Variants in OR6N1 observed in about 807,000 individuals in gnomAD.
OR6N1 encodes the protein olfactory receptor 6N1.
For synonymous variants in OR6N1, 170 were observed against 150.7 expected, an observed-to-expected ratio of 1.13 and a Z score of -0.94; for missense variants, 394 against 371.7, an observed-to-expected ratio of 1.06 and a Z score of -0.49.
chr1:158,765,651 G>A lies in OR6N1; in HGVS notation c.*93C>T, dbSNP rs960258281. 3.1e-5 allele frequency: 32 copies of A among 1,029,288 alleles called. No homozygotes were observed. The Admixed American group carries it at 5.2e-4, about 17-fold the overall frequency. 63.8% of individuals were successfully genotyped at this position (1,029,288 alleles called of 1,614,324 possible). A position where few individuals can be genotyped will look rare whatever the true frequency, so the allele number is the denominator to read the frequency against. ...CAGCTCCACCACCCCACATAGAAAA[G>A]CACTGAATTTTTAGTTTCTCGTCTC... On this transcript the variant is annotated 3_prime_UTR_variant, in exon 2 of 2. Transcript: ENST00000641846.
the OR6N1 span, among the ~76,000 whole-genome samples, chr1:158,832,897 A>G: frequency 6.1e-4 from 93 of 152,224 alleles, 1 homozygote; most frequent in Middle Eastern, 0.024. Flanking sequence ...TGCAAATTCT[A>G]TAAAGGTATA....
the OR6N1 span, chr1:158,808,383 T>A: frequency 6.5e-6 from 1 of 152,732 alleles, no homozygotes; most frequent in African/African-American, 2.4e-5. Context: ...CGCCTCGGCC[T>A]CCCAGAGTGC....
At chr1:158,794,900 T>C in the OR6N1 span, among the ~76,000 whole-genome samples, 1 of 152,212 alleles carries the variant, frequency 6.6e-6, no homozygotes, top group African/African-American at 2.4e-5. Flanking sequence ...GTTTGCCATA[T>C]GTTACCCAGG....
chr1:158,800,790 A>G, the OR6N1 span, among the ~76,000 whole-genome samples: 1 of 152,232 alleles, frequency 6.6e-6, no homozygotes, highest in East Asian at 1.9e-4. Flanking sequence ...AAGAAATTTT[A>G]AAAGGTTGTC....
At chr1:158,779,053 A>G in the OR6N1 span, among the ~76,000 whole-genome samples, 1 of 149,760 alleles carries the variant, frequency 6.7e-6, no homozygotes, top group African/African-American at 2.5e-5. Context: ...TCAAAAACAA[A>G]CATGATAGAG....
chr1:158,787,635 T>TCTCTCTCACACACACACACACACACACA, the OR6N1 span, among the ~76,000 whole-genome samples: 4 of 134,314 alleles, frequency 3.0e-5, no homozygotes, highest in South Asian at 5.1e-4. Context: ...TCTCTCTCTC[T>TCTCTCTCACACACACACACACACACACA]CACACACACA....
At chr1:158,808,916 TG>T in the OR6N1 span, 2 of 152,982 alleles carry the variant, frequency 1.3e-5, no homozygotes, top group Admixed American at 1.3e-4. Context: ...TAGTCGTAAC[TG>T]TACCTGTCTG....
chr1:158,798,703 CTTG>C, the OR6N1 span, among the ~76,000 whole-genome samples: 1 of 151,912 alleles, frequency 6.6e-6, no homozygotes, highest in Non-Finnish European at 1.5e-5. Flanking sequence ...GTAGGTGGAC[CTTG>C]TTAATTATTC....
At chr1:158,801,958 T>G in the OR6N1 span, among the ~76,000 whole-genome samples, 1 of 152,184 alleles carries the variant, frequency 6.6e-6, no homozygotes, top group South Asian at 2.1e-4. Flanking sequence ...CCCCTACTTA[T>G]ATTTCATGTT....
chr1:158,778,790 A>G, the OR6N1 span, among the ~76,000 whole-genome samples: 371 of 151,866 alleles, frequency 2.4e-3, 1 homozygote, highest in African/African-American at 8.5e-3. Context: ...TGAGGCGGGT[A>G]GATCACGAGG....
chr1:158,793,787 A>G, the OR6N1 span, among the ~76,000 whole-genome samples: 2 of 152,186 alleles, frequency 1.3e-5, no homozygotes, highest in African/African-American at 4.8e-5. Flanking sequence ...GGTAAGATCC[A>G]GCTGCAGCTA....
At chr1:158,801,950 C>G in the OR6N1 span, among the ~76,000 whole-genome samples, 1 of 152,150 alleles carries the variant, frequency 6.6e-6, no homozygotes, top group Non-Finnish European at 1.5e-5. Flanking sequence ...AAGACACTCC[C>G]CTACTTATAT....
chr1:158,774,825 G>A (rs1309027467), upstream of OR6N1: 1 of 152,184 alleles, frequency 6.6e-6, no homozygotes, highest in Non-Finnish European at 1.5e-5. Context: ...GAGACAAGTT[G>A]AGGTGGGATG....
At chr1:158,821,796 C>T in the OR6N1 span, among the ~76,000 whole-genome samples, 23 of 152,222 alleles carry the variant, frequency 1.5e-4, no homozygotes, top group Admixed American at 4.6e-4. Context: ...TGGGTAAATA[C>T]CACAGAGAAC....
the OR6N1 span, among the ~76,000 whole-genome samples, chr1:158,811,234 T>C: frequency 6.6e-6 from 1 of 152,166 alleles, no homozygotes; most frequent in African/African-American, 2.4e-5. Context: ...CTTACCACAA[T>C]ATGAGAAAGA....
the OR6N1 span, among the ~76,000 whole-genome samples, chr1:158,796,760 TTC>T: frequency 6.6e-6 from 1 of 152,230 alleles, no homozygotes; most frequent in South Asian, 2.1e-4. Flanking sequence ...GCTCATGATT[TTC>T]TGTTTGTGTA....
the OR6N1 span, among the ~76,000 whole-genome samples, chr1:158,807,290 C>G: frequency 2.7e-4 from 41 of 152,190 alleles, no homozygotes; most frequent in African/African-American, 8.4e-4. Flanking sequence ...GCAGCTGTAA[C>G]TATTTCTGGC....
chr1:158,824,465 A>T, the OR6N1 span, among the ~76,000 whole-genome samples: 2 of 152,162 alleles, frequency 1.3e-5, no homozygotes, highest in Non-Finnish European at 2.9e-5. Context: ...GAATTTGCTG[A>T]GGATTGTTTC....
the OR6N1 span, among the ~76,000 whole-genome samples, chr1:158,834,393 C>T: frequency 2.6e-5 from 4 of 151,838 alleles, no homozygotes; most frequent in Non-Finnish European, 2.9e-5. Flanking sequence ...CCACCATGCC[C>T]GGCTAATTTT....
Sources: allele counts gnomAD v4.1 joint callset (sites outside exome capture counted in the v4.1 genomes callset), GRCh38; gene constraint gnomAD v4.1.1; transcripts MANE v1.5; gene names NCBI Gene and HGNC (gene_info 2026-07-23, HGNC 2026-07-21).